The following SNTB2 variants were observed in gnomAD, a reference collection of about 807,000 sequenced individuals.
SNTB2 encodes the protein beta-2-syntrophin.
A neutral mutation model predicts 46.2 loss-of-function variants in SNTB2; 34 were observed. That is an observed-to-expected ratio of 0.74 (90% CI 0.56 to 0.98). The LOEUF is 0.98. Among genes scored for constraint, SNTB2 ranks in the 50% least tolerant of loss-of-function variants. The pLI is 0.00. For synonymous variants in SNTB2, 290 were observed against 312.6 expected, an observed-to-expected ratio of 0.93 and a Z score of 0.76; for missense variants, 603 against 731.4, an observed-to-expected ratio of 0.82 and a Z score of 2.02.
chr16:69,263,973 T>G (rs1567410017), intron 3 of SNTB2, among the ~76,000 whole-genome samples: 1 of 151,762 alleles, frequency 6.6e-6, no homozygotes, highest in Non-Finnish European at 1.5e-5. Context: ...AAAAAAAAAT[T>G]TTTTGTGTAG....
intron 2 of SNTB2, among the ~76,000 whole-genome samples, chr16:69,259,602 C>CTT (rs746479723): frequency 8.9e-4 from 107 of 120,604 alleles, no homozygotes; most frequent in African/African-American, 2.6e-3. Flanking sequence ...GAGAAAGTAT[C>CTT]TTTTTTTTTT....
chr16:69,231,980 AAAG>A (rs1964510186), intron 1 of SNTB2, among the ~76,000 whole-genome samples: 1 of 152,172 alleles, frequency 6.6e-6, no homozygotes. Flanking sequence ...ATCAGTAGTT[AAAG>A]AAGTTTACCA....
chr16:69,215,778 T>G (rs753320925), intron 1 of SNTB2, among the ~76,000 whole-genome samples: 2 of 152,168 alleles, frequency 1.3e-5, no homozygotes, highest in Admixed American at 1.3e-4. Flanking sequence ...ATTGCATGCA[T>G]AGATCAGATA....
At chr16:69,252,575 G>A (rs905187874) in intron 2 of SNTB2, among the ~76,000 whole-genome samples, 3 of 152,156 alleles carry the variant, frequency 2.0e-5, no homozygotes, top group Non-Finnish European at 4.4e-5. Context: ...TTTATAATGT[G>A]TACAATTATA....
chr16:69,225,738 G>A (rs574833917), intron 1 of SNTB2, among the ~76,000 whole-genome samples: 165 of 152,304 alleles, frequency 1.1e-3, no homozygotes, highest in Non-Finnish European at 1.9e-3. Flanking sequence ...TTGCACATAG[G>A]AGAGAGTTGT....
rs1257308993 is a variant in SNTB2, at chr16:69,308,929, G to A, written c.*8005G>A. 6.6e-6 allele frequency: 1 copy of A among 152,474 alleles called. No individual in the cohort carries two copies. Among genetic ancestry groups the A allele is most frequent in the Non-Finnish European group, 1.5e-5 (1 of 68,016 alleles). 9.4% of individuals were successfully genotyped at this position (152,474 alleles called of 1,614,324 possible). A position where few individuals can be genotyped will look rare whatever the true frequency, so the allele number is the denominator to read the frequency against. On this transcript the variant is annotated 3_prime_UTR_variant, in exon 7 of 7. Transcript: ENST00000336278. Reference sequence around the variant, plus strand: ...ATGCATAAACAACACTTCCCCTTGAGTAGCACATCAACATACAGCATTGTA... The same window carrying A: ...ATGCATAAACAACACTTCCCCTTGAATAGCACATCAACATACAGCATTGTA...
chr16:69,298,305 A>G (rs979404676), intron 5 of SNTB2, among the ~76,000 whole-genome samples: 1 of 152,010 alleles, frequency 6.6e-6, no homozygotes, highest in African/African-American at 2.4e-5. Context: ...GTGTCCTTTG[A>G]ATTGTATCTT....
chr16:69,298,899 CT>C (rs1965252754), intron 5 of SNTB2, among the ~76,000 whole-genome samples: 1 of 152,152 alleles, frequency 6.6e-6, no homozygotes, highest in South Asian at 2.1e-4. Context: ...GCCTCATTCA[CT>C]TTGGTGTTTG....
At chr16:69,297,220 T>C (rs908468911) in intron 5 of SNTB2, among the ~76,000 whole-genome samples, 1 of 143,898 alleles carries the variant, frequency 6.9e-6, no homozygotes, top group African/African-American at 2.6e-5. Context: ...GGCATGAGAA[T>C]TGCTTGAACC....
intron 4 of SNTB2, among the ~76,000 whole-genome samples, chr16:69,280,610 C>G (rs1385513695): frequency 6.6e-6 from 1 of 151,756 alleles, no homozygotes; most frequent in Non-Finnish European, 1.5e-5. Flanking sequence ...ACCTCCCTCC[C>G]GGACGGGGCG....
At chr16:69,238,282 C>T (rs1370717712) in intron 1 of SNTB2, among the ~76,000 whole-genome samples, 2 of 152,166 alleles carry the variant, frequency 1.3e-5, no homozygotes, top group African/African-American at 4.8e-5. Context: ...CCTCTCACAT[C>T]GGTCTCTATA....
chr16:69,303,955 T>C lies in SNTB2; in HGVS notation c.*3031T>C, dbSNP rs1201100145. The C allele has an allele frequency of 2.6e-5, 4 of 152,202 alleles. No homozygotes were observed. Among genetic ancestry groups the C allele is most frequent in the South Asian group, 2.1e-4 (1 of 4,832 alleles). The allele number at this position is 152,202 out of a possible 1,614,324, so 9.4% of individuals were successfully genotyped here. A position where few individuals can be genotyped will look rare whatever the true frequency, so the allele number is the denominator to read the frequency against. On this transcript the variant is annotated 3_prime_UTR_variant, in exon 7 of 7. Coordinates refer to ENST00000336278, the MANE Select transcript of SNTB2 (RefSeq NM_006750.4). ...GTGGAATGGAAAGGAAACTGCAGAA[T>C]AGTGTCTGCTCCCCATTCAGAGGGA...
At chr16:69,224,068 G>A (rs1020724520) in intron 1 of SNTB2, among the ~76,000 whole-genome samples, 2 of 152,164 alleles carry the variant, frequency 1.3e-5, no homozygotes, top group Non-Finnish European at 2.9e-5. Flanking sequence ...TTCTTGGGAA[G>A]GAAACCAGAG....
At chr16:69,199,979 A>T (rs1177023686) in intron 1 of SNTB2, among the ~76,000 whole-genome samples, 1 of 151,994 alleles carries the variant, frequency 6.6e-6, no homozygotes, top group East Asian at 1.9e-4. Context: ...CAGTGGCACG[A>T]TCTCAGCTCA....
chr16:69,214,127 ATT>A (rs779200195), intron 1 of SNTB2, among the ~76,000 whole-genome samples: 1 of 126,442 alleles, frequency 7.9e-6, no homozygotes, highest in Non-Finnish European at 1.7e-5. Flanking sequence ...CCAGCCTTTT[ATT>A]TTTTTTTTTT....
intron 1 of SNTB2, among the ~76,000 whole-genome samples, chr16:69,190,681 TA>T (rs2152288155): frequency 6.6e-6 from 1 of 152,210 alleles, no homozygotes; most frequent in Non-Finnish European, 1.5e-5. Context: ...CTGCCACCAG[TA>T]AAGACACAGA....
chr16:69,300,524 A>T (rs1340533109), intron 6 of SNTB2, among the ~76,000 whole-genome samples: 1 of 152,172 alleles, frequency 6.6e-6, no homozygotes, highest in Non-Finnish European at 1.5e-5. Flanking sequence ...TGCTGGGATT[A>T]TGGGCGTGAG....
chr16:69,190,396 AG>A (rs1430243435), intron 1 of SNTB2, among the ~76,000 whole-genome samples: 3 of 152,236 alleles, frequency 2.0e-5, no homozygotes, highest in African/African-American at 7.2e-5. Context: ...AGGGATTTGC[AG>A]GAGTTATTTA....
At chr16:69,194,711 A>G (rs1964086636) in intron 1 of SNTB2, among the ~76,000 whole-genome samples, 9 of 152,158 alleles carry the variant, frequency 5.9e-5, no homozygotes. Context: ...GGCCTATATC[A>G]GGTCACCTCA....
Sources: gnomAD v4.1 joint callset for allele counts (sites outside exome capture counted in the v4.1 genomes callset) on GRCh38, gnomAD v4.1.1 for gene constraint, MANE v1.5 for transcripts, NCBI Gene and HGNC (gene_info 2026-07-23, HGNC 2026-07-21) for gene names.